The following EXOSC10 variants were observed in gnomAD, a reference collection of about 807,000 sequenced individuals.
EXOSC10 encodes the protein exosome component 10.
Under a neutral mutation model 126.6 loss-of-function variants are expected in EXOSC10, and 94 were observed. The ratio of observed to expected loss-of-function variants is 0.74; its 90% CI spans 0.63 to 0.88. EXOSC10 has a LOEUF of 0.88. Ranked by LOEUF, EXOSC10 falls within the 40% of genes least tolerant of loss-of-function variation. EXOSC10 has a pLI of 0.00. For synonymous variants in EXOSC10, 395 were observed against 400.8 expected (o/e 0.99, Z 0.17); for missense variants, 1,041 against 1,100.5 (o/e 0.95, Z 0.77).
At chr1:11,084,055 C>T (rs1640349941) in intron 9 of EXOSC10, among the ~76,000 whole-genome samples, 1 of 152,160 alleles carries the variant, frequency 6.6e-6, no homozygotes, top group Non-Finnish European at 1.5e-5. Flanking sequence ...GGTTCCAAGT[C>T]TTTACTATTG....
chr1:11,071,105 G>T, intron 20 of EXOSC10, 132 bp from the exon 21 acceptor site: 1 of 730,774 alleles, frequency 1.4e-6, no homozygotes, highest in Non-Finnish European at 2.3e-6. Flanking sequence ...TCAGGTCCCC[G>T]GTCCCCCATC....
At chr1:11,070,049 T>C (rs1639366789) in intron 21 of EXOSC10, among the ~76,000 whole-genome samples, 1 of 151,656 alleles carries the variant, frequency 6.6e-6, no homozygotes, top group African/African-American at 2.4e-5. Context: ...CTGGGCAACA[T>C]AGCAAGACCC....
Position 11,081,042 on chromosome 1 carries a change from C to T in EXOSC10, c.1437+40G>A, listed in dbSNP as rs756462322. The stretch of plus-strand genomic sequence containing the variant: ...AACTAGAACCTGGCCAGACACAGAG[C>T]CCAAGTGTCGCGGTCTGTGTGACTG... On this transcript the variant is annotated intron_variant, in intron 11 of 24. Transcript: ENST00000376936. 1.1e-5 allele frequency: 17 copies of T among 1,607,792 alleles called. No homozygotes were observed. In the South Asian group the frequency reaches 1.7e-4, roughly 16 times the overall value.
At chr1:11,077,123 C>T in intron 16 of EXOSC10, 175 bp from the exon 17 acceptor site, 1 of 629,070 alleles carries the variant, frequency 1.6e-6, no homozygotes, top group Non-Finnish European at 2.8e-6. Context: ...TCCTAAGTAG[C>T]TAAGATTACA....
intron 3 of EXOSC10, among the ~76,000 whole-genome samples, chr1:11,094,262 G>A (rs1640947944): frequency 6.6e-6 from 1 of 150,428 alleles, no homozygotes; most frequent in Non-Finnish European, 1.5e-5. Context: ...ACAGGAGTGA[G>A]CCACTGACCC....
intron 2 of EXOSC10, among the ~76,000 whole-genome samples, chr1:11,096,639 C>G (rs1345344135): frequency 6.6e-6 from 1 of 150,698 alleles, no homozygotes; most frequent in African/African-American, 2.4e-5. Context: ...CCACCACTCC[C>G]AGCTACTTTA....
At chr1:11,080,375 C>G (rs1640074256) in intron 13 of EXOSC10, 124 bp downstream of exon 13, 3 of 1,231,198 alleles carry the variant, frequency 2.4e-6, no homozygotes, top group Admixed American at 2.0e-5. Context: ...TTGCTACCTT[C>G]CAAGCTTGGA....
chr1:11,067,963 C>T, intron 24 of EXOSC10, 45 bp downstream of exon 24: 1 of 1,573,726 alleles, frequency 6.4e-7, no homozygotes, highest in Non-Finnish European at 8.7e-7. Context: ...AGGGCAGGTG[C>T]TTTCTCACTG....
At chr1:11,094,598 G>C (rs923360035) in intron 3 of EXOSC10, among the ~76,000 whole-genome samples, 1 of 146,932 alleles carries the variant, frequency 6.8e-6, no homozygotes, top group Admixed American at 6.8e-5. Context: ...ACCATGCCAG[G>C]CCACCTTTTT....
rs1273459203 is a variant in EXOSC10 at position 11,099,619 on chromosome 1, C to T, written c.111+102G>A. 7.6e-6 allele frequency: 10 copies of T among 1,318,586 alleles called. No homozygotes were observed. The African/African-American group carries it at 1.1e-4, about 14-fold the overall frequency. 81.7% of individuals were successfully genotyped at this position (1,318,586 alleles called of 1,614,324 possible). ...GGACAGGGGCCCCGCGACCCTCGCT[C>T]GGGCTCCACTACGGCGGGCGGGCAT... On this transcript the variant is annotated intron_variant, in intron 1 of 24. Coordinates refer to ENST00000376936, the MANE Select transcript of EXOSC10 (RefSeq NM_001001998.3).
At chr1:11,074,390 C>G in intron 17 of EXOSC10, 64 bp from the exon 18 acceptor site, 4 of 1,139,268 alleles carry the variant, frequency 3.5e-6, no homozygotes, top group Non-Finnish European at 5.2e-6. Flanking sequence ...AAGATGCAAG[C>G]AAGAGAGCAA....
intron 9 of EXOSC10, among the ~76,000 whole-genome samples, chr1:11,085,791 T>C (rs550127277): frequency 0.056 from 8,469 of 150,862 alleles, 790 homozygotes; most frequent in African/African-American, 0.19. Context: ...TTGAGATACG[T>C]CCCATCAATA....
intron 22 of EXOSC10, among the ~76,000 whole-genome samples, chr1:11,069,155 A>T (rs1314628554): frequency 6.6e-6 from 1 of 152,000 alleles, no homozygotes; most frequent in Non-Finnish European, 1.5e-5. Context: ...TTCAAAGCAG[A>T]CGGACTCTCA....
rs551989142 is a variant in EXOSC10, at chr1:11,074,198, T to C, written c.2082+33A>G. ...ATGTACAGCTGTAGGCATCTCTGCA[T>C]ATCCTGTCAGCCCTGACAAAACTAC... On this transcript the variant is annotated intron_variant, in intron 18 of 24. Coordinates refer to ENST00000376936, the MANE Select transcript of EXOSC10 (RefSeq NM_001001998.3). The C allele has an allele frequency of 7.1e-6, 11 of 1,543,584 alleles. No homozygotes were observed. The South Asian group carries it at 1.2e-4, about 17-fold the overall frequency.
intron 20 of EXOSC10, 23 bp from the exon 21 acceptor site, chr1:11,070,996 C>T: frequency 3.1e-6 from 5 of 1,611,530 alleles, no homozygotes; most frequent in South Asian, 1.1e-5. Flanking sequence ...GAACTTGTCT[C>T]TGGAGTTGGT....
rs1470943622 is a variant in EXOSC10 at position 11,080,595 on chromosome 1, C to T, written c.1587-46G>A. On this transcript the variant is annotated intron_variant, in intron 12 of 24. Transcript: ENST00000376936. The stretch of plus-strand genomic sequence containing the variant: ...ACACACACACACACACACACACACA[C>T]ACACACACACGGTGGGGACACATTA... 54 of 1,505,940 alleles carry T rather than the reference C, an allele frequency of 3.6e-5. No homozygotes were observed. The Admixed American group carries it at 9.8e-4, about 27-fold the overall frequency. The allele number at this position is 1,505,940 out of a possible 1,614,324, so 93.3% of individuals were successfully genotyped here.
At position 11,066,702 on chromosome 1, in the gene EXOSC10, C is replaced by T; in HGVS notation, c.*16G>A. 1.2e-6 allele frequency: 2 copies of T among 1,614,110 alleles called. No individual in the cohort carries two copies. The highest frequency in any genetic ancestry group is 1.7e-6 in the Non-Finnish European group (2 of 1,179,948). On this transcript the variant is annotated 3_prime_UTR_variant, in exon 25 of 25. Coordinates refer to ENST00000376936, the MANE Select transcript of EXOSC10 (RefSeq NM_001001998.3). ...TTTGGTGCTTCCGGTCCACAGGCGCCACGTGTCTTCCAGGACTATCTCTGT... is the reference window on the plus strand; with the variant it reads ...TTTGGTGCTTCCGGTCCACAGGCGCTACGTGTCTTCCAGGACTATCTCTGT...
In EXOSC10 at chr1:11,090,199, T is replaced by C. The variant is rs1211682978; in HGVS notation, c.758+355A>G. Among the ~76,000 whole-genome samples the C allele has an allele frequency of 4.9e-4, 75 of 152,216 alleles. 1 individual carries two copies. The highest frequency in any genetic ancestry group is 4.9e-3 in the Admixed American group (75 of 15,278). Reference sequence around the variant, plus strand: ...TTTCAGTAGAGATGGGGTTTCACCATGTTGGCCAGGCTGGTCTCGAACTCC... The same window carrying C: ...TTTCAGTAGAGATGGGGTTTCACCACGTTGGCCAGGCTGGTCTCGAACTCC... On this transcript the variant is annotated intron_variant, in intron 6 of 24. Transcript: ENST00000376936.
At chr1:11,081,332 T>C (rs1201038791) in intron 10 of EXOSC10, 94 bp from the exon 11 acceptor site, 3 of 1,380,096 alleles carry the variant, frequency 2.2e-6, no homozygotes, top group Non-Finnish European at 3.0e-6. Flanking sequence ...CTTAGACCCT[T>C]CCAATATGAA....
Sources: gnomAD v4.1 joint callset for allele counts (sites outside exome capture counted in the v4.1 genomes callset) on GRCh38, gnomAD v4.1.1 for gene constraint, MANE v1.5 for transcripts, NCBI Gene and HGNC (gene_info 2026-07-23, HGNC 2026-07-21) for gene names.